RASGEF1C: variants seen among roughly 807,000 people sequenced by gnomAD.
RASGEF1C encodes RasGEF domain family member 1C, also known as ras-GEF domain-containing family member 1C.
Under a neutral mutation model 58.1 loss-of-function variants are expected in RASGEF1C, and 27 were observed. The observed-to-expected ratio is 0.46, with a 90% CI of 0.34 to 0.64. RASGEF1C has a LOEUF of 0.64. Among genes scored for constraint, RASGEF1C ranks in the 30% least tolerant of loss-of-function variants. RASGEF1C has a pLI of 0.01. For missense variants in RASGEF1C, 502 were observed against 605.1 expected (o/e 0.83, Z 1.79); for synonymous variants, 243 against 246.3 (o/e 0.99, Z 0.13).
chr5:180,170,842 A>G lies in RASGEF1C; in HGVS notation c.-6-32784T>C, dbSNP rs142701818. Among the ~76,000 whole-genome samples the G allele has an allele frequency of 2.9e-3, 440 of 152,254 alleles. 4 individuals carry two copies. The highest frequency in any genetic ancestry group is 9.0e-3 in the African/African-American group (372 of 41,540). ...CCTGCTCCGCTTGTCTTCAGGGCCA[A>G]AGTCGGAACTTGGTGGCAGGTGTGG... On this transcript the variant is annotated intron_variant, in intron 1 of 13. Transcript: ENST00000361132.
At chr5:180,187,516 G>A (rs181591827) in intron 1 of RASGEF1C, among the ~76,000 whole-genome samples, 3 of 152,120 alleles carry the variant, frequency 2.0e-5, no homozygotes, top group African/African-American at 7.2e-5. Context: ...AGAAAGACTT[G>A]TACACTGAAA....
At position 180,168,290 on chromosome 5, in the gene RASGEF1C, G is replaced by A. The variant is rs553733948; in HGVS notation, c.-6-30232C>T. 7.2e-5 allele frequency among the ~76,000 whole-genome samples: 11 copies of A among 152,126 alleles called. No homozygotes were observed. The highest frequency in any genetic ancestry group is 2.4e-4 in the African/African-American group (10 of 41,480). On this transcript the variant is annotated intron_variant, in intron 1 of 13. Coordinates refer to ENST00000361132, the MANE Select transcript of RASGEF1C (RefSeq NM_175062.4). This position sits in a 1 kb window ranked among gnomAD's most constrained non-coding sequence, Gnocchi z 6.0. Reference sequence around the variant, plus strand: ...TACTTAAAAAAATACAAAATTAGCCGAGCCTGGTGGTGCATGCCTGTAATC... The same window carrying A: ...TACTTAAAAAAATACAAAATTAGCCAAGCCTGGTGGTGCATGCCTGTAATC...
chr5:180,142,413 A>T (rs550400201), intron 1 of RASGEF1C, among the ~76,000 whole-genome samples: 5 of 152,294 alleles, frequency 3.3e-5, no homozygotes, highest in Admixed American at 3.3e-4. Context: ...GGCTCAATGT[A>T]CCAAGAGCGT....
chr5:180,164,134 C>G (rs1766985849), intron 1 of RASGEF1C, among the ~76,000 whole-genome samples: 1 of 152,138 alleles, frequency 6.6e-6, no homozygotes, highest in Admixed American at 6.6e-5. Context: ...GTCAGTATCG[C>G]TAGAGATTTG....
intron 1 of RASGEF1C, among the ~76,000 whole-genome samples, chr5:180,154,218 C>G (rs1766816545): frequency 1.3e-5 from 2 of 152,126 alleles, no homozygotes; most frequent in African/African-American, 4.8e-5. Context: ...GGCACTGTTG[C>G]AAGGGTCAAA....
intron 11 of RASGEF1C, 43 bp from the exon 12 acceptor site, chr5:180,111,623 C>G: frequency 6.2e-7 from 1 of 1,612,444 alleles, no homozygotes; most frequent in South Asian, 1.1e-5. Flanking sequence ...ACTCCAGTGC[C>G]TGGAGGTCCC....
rs1766118790 is a variant in RASGEF1C, at chr5:180,118,873, G to A, written c.908-7C>T. 6.2e-7 allele frequency: 1 copy of A among 1,614,090 alleles called. No individual in the cohort carries two copies. The highest frequency in any genetic ancestry group is 1.3e-5 in the African/African-American group (1 of 75,066). On this transcript the variant is annotated splice_polypyrimidine_tract_variant and splice_region_variant and intron_variant, in intron 8 of 13. Transcript: ENST00000361132. ...GGGCTCATGTTCATGCCGGCTGGAA[G>A]AGGGAGGAGGGTTGGAGAGGGCTGC...
chr5:180,118,749 T>TA, intron 9 of RASGEF1C, 38 bp downstream of exon 9: 1 of 1,613,986 alleles, frequency 6.2e-7, no homozygotes, highest in Non-Finnish European at 8.5e-7. Context: ...GTCCAGGGGA[T>TA]GGCCGGAGGC....
At chr5:180,163,254 CAG>C (rs1766973530) in intron 1 of RASGEF1C, among the ~76,000 whole-genome samples, 2 of 71,068 alleles carry the variant, frequency 2.8e-5, no homozygotes, top group Non-Finnish European at 2.5e-5. Flanking sequence ...TTTTTTTTTC[CAG>C]CCTATTGCAC....
At chr5:180,195,624 C>G (rs545275272) in intron 1 of RASGEF1C, among the ~76,000 whole-genome samples, 1 of 151,824 alleles carries the variant, frequency 6.6e-6, no homozygotes, top group Admixed American at 6.6e-5. Context: ...TAGCTGGGCG[C>G]GGTGGCGGGC....
At chr5:180,116,868 G>A (rs998614219) in intron 10 of RASGEF1C, among the ~76,000 whole-genome samples, 3 of 152,244 alleles carry the variant, frequency 2.0e-5, no homozygotes, top group Admixed American at 6.5e-5. Flanking sequence ...TGCAGACCAC[G>A]AGCTTCAGAG....
intron 1 of RASGEF1C, among the ~76,000 whole-genome samples, chr5:180,194,739 G>A (rs1756234588): frequency 6.6e-6 from 1 of 152,188 alleles, no homozygotes; most frequent in African/African-American, 2.4e-5. Context: ...TTTTACGGGA[G>A]TACGTCACAG....
intron 12 of RASGEF1C, among the ~76,000 whole-genome samples, chr5:180,111,110 G>C (rs909828850): frequency 6.6e-6 from 1 of 152,178 alleles, no homozygotes; most frequent in African/African-American, 2.4e-5. Context: ...CACTGTGCCT[G>C]GCGAGGGTGA....
intron 1 of RASGEF1C, among the ~76,000 whole-genome samples, chr5:180,174,373 A>C (rs1767173772): frequency 6.6e-6 from 1 of 152,140 alleles, no homozygotes; most frequent in South Asian, 2.1e-4. Context: ...GGCAGAGAAA[A>C]GGCCCTTGTC....
At chr5:180,182,311 G>A (rs10039790) in intron 1 of RASGEF1C, among the ~76,000 whole-genome samples, 4,291 of 151,644 alleles carry the variant, frequency 0.028, 198 homozygotes, top group African/African-American at 0.099. Flanking sequence ...CTTCCGGTGG[G>A]TTTGTGGTCT....
intron 1 of RASGEF1C, among the ~76,000 whole-genome samples, chr5:180,184,606 T>A (rs1239407104): frequency 6.6e-6 from 1 of 151,948 alleles, no homozygotes; most frequent in Non-Finnish European, 1.5e-5. Flanking sequence ...TAAAATAACA[T>A]AAAAGGCAGA....
intron 1 of RASGEF1C, among the ~76,000 whole-genome samples, chr5:180,174,471 TA>T (rs979683191): frequency 9.6e-6 from 1 of 103,754 alleles, no homozygotes; most frequent in Non-Finnish European, 2.0e-5. Context: ...TGTCTGTGTG[TA>T]TGTGTGTCTG....
chr5:180,101,348 CTG>C lies in RASGEF1C; in HGVS notation c.*151_*152del, dbSNP rs1167274364. ...AAGGTCTCCTGTGCCCGTATGGCCA[CTG>C]TGGGGGGGGGGGGGGCGGGCAGCAG... is the stretch of plus-strand genomic sequence containing the variant. On this transcript the variant is annotated 3_prime_UTR_variant, in exon 14 of 14. Transcript: ENST00000361132. The C allele has an allele frequency of 6.7e-6, 5 of 743,526 alleles. No individual in the cohort carries two copies. Among genetic ancestry groups the C allele is most frequent in the Admixed American group, 6.4e-5 (2 of 31,110 alleles). The allele number at this position is 743,526 out of a possible 1,614,324, so 46.1% of individuals were successfully genotyped here.
intron 1 of RASGEF1C, among the ~76,000 whole-genome samples, chr5:180,161,932 C>G (rs1766951071): frequency 6.6e-6 from 1 of 152,260 alleles, no homozygotes; most frequent in Admixed American, 6.5e-5. Context: ...GGGACAGGGT[C>G]TCCATACCCA....
Sources: allele counts gnomAD v4.1 joint callset (sites outside exome capture counted in the v4.1 genomes callset), GRCh38; gene constraint gnomAD v4.1.1; non-coding constraint Gnocchi (gnomAD v3.1); transcripts MANE v1.5; gene names NCBI Gene and HGNC (gene_info 2026-07-23, HGNC 2026-07-21).